TENM2: variants seen among roughly 807,000 people sequenced by gnomAD.
TENM2 encodes the protein teneurin-2.
A neutral mutation model predicts 245.2 loss-of-function variants in TENM2; 52 were observed. The observed-to-expected ratio is 0.21, with a 90% CI of 0.17 to 0.27. The LOEUF (loss-of-function observed/expected upper bound fraction) is 0.27, where lower values mean the gene tolerates loss of function less well. Ranked by LOEUF, TENM2 falls within the 10% of genes least tolerant of loss-of-function variation. The pLI, the probability that TENM2 is intolerant of heterozygous loss-of-function variation, is 1.00. For synonymous variants in TENM2, 1,363 were observed against 1,438.9 expected, an observed-to-expected ratio of 0.95 and a Z score of 1.19; for missense variants, 3,046 against 3,666.8, an observed-to-expected ratio of 0.83 and a Z score of 4.37.
intron 7 of TENM2, among the ~76,000 whole-genome samples, chr5:168,069,173 G>A (rs1170106273): frequency 6.6e-6 from 1 of 152,218 alleles, no homozygotes; most frequent in East Asian, 1.9e-4. Context: ...CTGGCATTTC[G>A]TTGAACAGTA....
At chr5:167,259,455 A>G in the TENM2 span, among the ~76,000 whole-genome samples, 1 of 152,210 alleles carries the variant, frequency 6.6e-6, no homozygotes, top group Non-Finnish European at 1.5e-5. Flanking sequence ...TAATGAGTCA[A>G]ATAAATATGT....
At chr5:167,431,510 GTT>G (rs1764221214) in intron 2 of TENM2, among the ~76,000 whole-genome samples, 1 of 152,130 alleles carries the variant, frequency 6.6e-6, no homozygotes, top group Non-Finnish European at 1.5e-5. Flanking sequence ...TTCAGGAAAA[GTT>G]TGAATGAAAG....
chr5:167,201,528 T>A, the TENM2 span, among the ~76,000 whole-genome samples: 1 of 152,162 alleles, frequency 6.6e-6, no homozygotes, highest in African/African-American at 2.4e-5. Context: ...GTTACGATGT[T>A]GTCATTTTGA....
At chr5:167,869,760 A>G (rs905311152) in intron 2 of TENM2, among the ~76,000 whole-genome samples, 1 of 152,140 alleles carries the variant, frequency 6.6e-6, no homozygotes, top group African/African-American at 2.4e-5. Flanking sequence ...CACATGCAGA[A>G]CTACACAGAC....
At chr5:167,797,236 G>T (rs1208445685) in intron 2 of TENM2, among the ~76,000 whole-genome samples, 1 of 152,138 alleles carries the variant, frequency 6.6e-6, no homozygotes, top group Non-Finnish European at 1.5e-5. Context: ...AGGCCCTTCA[G>T]TCTGACACCT....
intron 1 of TENM2, among the ~76,000 whole-genome samples, chr5:167,340,613 T>G (rs1290309942): frequency 6.6e-6 from 1 of 152,204 alleles, no homozygotes; most frequent in East Asian, 1.9e-4. Flanking sequence ...AAAGGCCCGC[T>G]CTCCAATATA....
the TENM2 span, among the ~76,000 whole-genome samples, chr5:167,203,352 T>C: frequency 6.6e-6 from 1 of 152,156 alleles, no homozygotes; most frequent in African/African-American, 2.4e-5. Flanking sequence ...CTGGTCAAAA[T>C]CTATGCCTCT....
intron 2 of TENM2, among the ~76,000 whole-genome samples, chr5:167,434,884 G>T (rs1263868762): frequency 6.6e-6 from 1 of 152,170 alleles, no homozygotes; most frequent in Non-Finnish European, 1.5e-5. Context: ...TGGAAAAGAA[G>T]AAAATTATAG....
chr5:167,823,113 G>A (rs1438202524), intron 2 of TENM2, among the ~76,000 whole-genome samples: 4 of 152,102 alleles, frequency 2.6e-5, no homozygotes, highest in Non-Finnish European at 5.9e-5. Flanking sequence ...TGGAAAATGT[G>A]GTCGGAGATT....
At chr5:167,266,705 G>A in the TENM2 span, among the ~76,000 whole-genome samples, 2 of 152,166 alleles carry the variant, frequency 1.3e-5, no homozygotes, top group Non-Finnish European at 2.9e-5. Flanking sequence ...AATGGTTGCT[G>A]TGCCGTTTAA....
intron 3 of TENM2, among the ~76,000 whole-genome samples, chr5:167,902,717 T>C (rs1292859735): frequency 2.0e-5 from 3 of 152,332 alleles, no homozygotes; most frequent in African/African-American, 7.2e-5. Context: ...CTGTATCTTA[T>C]GAAGGGGAAC....
Position 167,423,463 on chromosome 5 carries a change from A to G in TENM2, c.502+47990A>G, listed in dbSNP as rs543867563. On this transcript the variant is annotated intron_variant, in intron 2 of 28. Coordinates refer to ENST00000518659, the Ensembl canonical transcript of TENM2. The stretch of plus-strand genomic sequence containing the variant: ...TGTTGGCAGGCTGTTGTTTATCACA[A>G]GGTTTTAGTGTTCTTAATGAACTGT... 3.3e-5 allele frequency among the ~76,000 whole-genome samples: 5 copies of G among 152,308 alleles called. No homozygotes were observed. The South Asian group carries it at 1.0e-3, about 32-fold the overall frequency.
intron 2 of TENM2, among the ~76,000 whole-genome samples, chr5:167,462,820 G>T (rs1290766226): frequency 6.6e-6 from 1 of 151,958 alleles, no homozygotes; most frequent in Non-Finnish European, 1.5e-5. Context: ...AAACAGGAAG[G>T]CCTGTTCTCA....
the TENM2 span, among the ~76,000 whole-genome samples, chr5:167,109,376 T>C: frequency 6.6e-6 from 1 of 151,992 alleles, no homozygotes; most frequent in South Asian, 2.1e-4. Flanking sequence ...TCTGAAACTA[T>C]TGCTTGTTTC....
intron 12 of TENM2, among the ~76,000 whole-genome samples, chr5:168,154,577 G>A (rs1165431453): frequency 6.6e-6 from 1 of 152,176 alleles, no homozygotes; most frequent in Non-Finnish European, 1.5e-5. Context: ...GTTTTTACAA[G>A]TTCATCATTT....
At chr5:167,741,818 G>A (rs1289353918) in intron 2 of TENM2, among the ~76,000 whole-genome samples, 1 of 152,102 alleles carries the variant, frequency 6.6e-6, no homozygotes, top group African/African-American at 2.4e-5. Context: ...AAGGAGCTGT[G>A]CCACTTTTTA....
At chr5:167,536,085 C>A (rs1449366620) in intron 2 of TENM2, among the ~76,000 whole-genome samples, 3 of 152,096 alleles carry the variant, frequency 2.0e-5, no homozygotes, top group Non-Finnish European at 4.4e-5. Flanking sequence ...GAGTGTGAAT[C>A]CTGGCAAGTA....
In TENM2 at chr5:167,406,793, C is replaced by G. The variant is rs549164554; in HGVS notation, c.502+31320C>G. 2.0e-5 allele frequency among the ~76,000 whole-genome samples: 3 copies of G among 152,094 alleles called. No homozygotes were observed. In the South Asian group the frequency reaches 6.2e-4, roughly 32 times the overall value. On this transcript the variant is annotated intron_variant, in intron 2 of 28. Transcript: ENST00000518659. Reference sequence around the variant, plus strand: ...TGCTTCCCTGGGGAAGGTCTTATTTCTGTATGTTTGGAAATACCTACTTAC... The same window carrying G: ...TGCTTCCCTGGGGAAGGTCTTATTTGTGTATGTTTGGAAATACCTACTTAC...
At chr5:167,768,881 AGACGG>A (rs1231528328) in intron 2 of TENM2, among the ~76,000 whole-genome samples, 1 of 152,174 alleles carries the variant, frequency 6.6e-6, no homozygotes, top group Non-Finnish European at 1.5e-5. Flanking sequence ...GTAACTTGGG[AGACGG>A]GATGTATAGG....
Sources: gnomAD v4.1 joint callset for allele counts (sites outside exome capture counted in the v4.1 genomes callset) on GRCh38, gnomAD v4.1.1 for gene constraint, MANE v1.5 for transcripts, NCBI Gene and HGNC (gene_info 2026-07-23, HGNC 2026-07-21) for gene names.